PHF3: variants seen among roughly 807,000 people sequenced by gnomAD.
The protein encoded by PHF3 is PHD finger protein 3.
In PHF3, 41 loss-of-function variants were observed where a neutral mutation model predicts 178.4. The ratio of observed to expected loss-of-function variants is 0.23; its 90% CI spans 0.18 to 0.30. The LOEUF is 0.30. Ranked by LOEUF, PHF3 falls within the 10% of genes least tolerant of loss-of-function variation. The pLI is 1.00. For missense variants in PHF3, 2,346 were observed against 2,398.1 expected, an observed-to-expected ratio of 0.98 and a Z score of 0.45; for synonymous variants, 842 against 800.5, an observed-to-expected ratio of 1.05 and a Z score of -0.88.
chr6:63,649,035 T>A (rs72884634), intron 2 of PHF3, among the ~76,000 whole-genome samples: 11,840 of 151,940 alleles, frequency 0.078, 532 homozygotes, highest in East Asian at 0.16. Flanking sequence ...TGAAAAAAAA[T>A]TTAACTTTTT....
chr6:63,649,650 C>T (rs76122536), intron 2 of PHF3, among the ~76,000 whole-genome samples: 2 of 152,248 alleles, frequency 1.3e-5, no homozygotes, highest in South Asian at 2.1e-4. Flanking sequence ...TAGAAGATTA[C>T]GTTTAGTGCT....
chr6:63,648,439 A>G (rs1284144371), intron 2 of PHF3, among the ~76,000 whole-genome samples: 2 of 152,176 alleles, frequency 1.3e-5, no homozygotes, highest in Non-Finnish European at 2.9e-5. Context: ...AAGGGTGGTT[A>G]TATTGGATGT....
intron 15 of PHF3, 61 bp downstream of exon 15, chr6:63,711,423 G>T: frequency 7.0e-7 from 1 of 1,428,416 alleles, no homozygotes; most frequent in Non-Finnish European, 9.6e-7. Context: ...GGACCAGAGT[G>T]AAAAGACTGA....
chr6:63,656,049 A>G (rs764776610), intron 2 of PHF3, among the ~76,000 whole-genome samples: 4 of 152,264 alleles, frequency 2.6e-5, no homozygotes, highest in Non-Finnish European at 5.9e-5. Context: ...ACTCAGAGTT[A>G]AAACATACAC....
intron 1 of PHF3, 24 bp downstream of exon 1, chr6:63,636,174 C>A: frequency 2.6e-6 from 1 of 379,924 alleles, no homozygotes; most frequent in East Asian, 3.7e-5. Flanking sequence ...GTGGCCGCGG[C>A]CAGGGAGACG....
chr6:63,712,879 A>G lies in PHF3; in HGVS notation c.5291A>G (p.His1764Arg). The change falls in exon 16 of 16, where the codon CAT becomes CGT. Residue 1764 changes from histidine to arginine, a missense_variant. Around this residue, in one of 8 missense-constraint regions of PHF3, gnomAD observed 839 missense variants for 806.9 expected, o/e 1.04. Coordinates refer to ENST00000262043, the MANE Select transcript of PHF3 (RefSeq NM_001370348.2). ...AGAGGATCAGCAGTAGCGACATCTC[A>G]TTTTGAAGTTGGAAACACATGTCCA... ...FRRGSAVATS[H>R]FEVGNTCPSE... 1 of 1,613,650 alleles carries G rather than the reference A, an allele frequency of 6.2e-7. No individual in the cohort carries two copies. Among genetic ancestry groups the G allele is most frequent in the Non-Finnish European group, 8.5e-7 (1 of 1,179,622 alleles).
chr6:63,704,672 T>C (rs1471271438), intron 11 of PHF3, among the ~76,000 whole-genome samples: 2 of 152,226 alleles, frequency 1.3e-5, no homozygotes, highest in Non-Finnish European at 2.9e-5. Context: ...TTATTACAAG[T>C]TTTGGCAATT....
At chr6:63,642,518 C>T (rs1466754753) in intron 1 of PHF3, among the ~76,000 whole-genome samples, 1 of 152,170 alleles carries the variant, frequency 6.6e-6, no homozygotes, top group Non-Finnish European at 1.5e-5. Flanking sequence ...AGATTATTCA[C>T]TTATATACTT....
chr6:63,684,563 G>A lies in PHF3; in HGVS notation c.841G>A (p.Val281Ile). The A allele has an allele frequency of 6.2e-7, 1 of 1,614,004 alleles. No homozygotes were observed. Among genetic ancestry groups the A allele is most frequent in the Non-Finnish European group, 8.5e-7 (1 of 1,179,916 alleles). ...EALMECKAKP[V>I]GSPLFKFSDK... ...TTTGATGGAATGTAAAGCCAAGCCT[G>A]TTGGTAGTCCATTGTTTAAGTTTTC... The change falls in exon 4 of 16, where the codon GTT becomes ATT. Residue 281 changes from valine to isoleucine, a missense_variant. Physicochemically the swap from Val to Ile is conservative, Grantham distance 29 (BLOSUM62 3). Transcript: ENST00000262043.
At chr6:63,668,847 T>A (rs1765788467) in intron 2 of PHF3, among the ~76,000 whole-genome samples, 1 of 152,234 alleles carries the variant, frequency 6.6e-6, no homozygotes, top group Non-Finnish European at 1.5e-5. Context: ...TGCTGATTTT[T>A]TTTCATTCTG....
chr6:63,691,922 A>T lies in PHF3; in HGVS notation c.2375A>T (p.Glu792Val). The change falls in exon 5 of 16, where the codon GAA (glutamate) becomes GTA (valine). Residue 792 changes from glutamate (E) to valine (V), a missense_variant. Physicochemically the swap from Glu to Val is moderately radical, Grantham distance 121. Around this residue, in one of 8 missense-constraint regions of PHF3, gnomAD observed 252 missense variants for 232.0 expected, o/e 1.09. Transcript: ENST00000262043. ...PDTLENQATV[E>V]FHSGDKTMEC... Reference sequence around the variant, plus strand: ...ACTTTGGAAAACCAAGCTACAGTTGAATTCCATAGTGGAGATAAAACAATG... The same window carrying T: ...ACTTTGGAAAACCAAGCTACAGTTGTATTCCATAGTGGAGATAAAACAATG... The T allele has an allele frequency of 6.2e-7, 1 of 1,613,816 alleles. No individual in the cohort carries two copies. The highest frequency in any genetic ancestry group is 8.5e-7 in the Non-Finnish European group (1 of 1,179,828).
In PHF3 at chr6:63,712,451, A is replaced by G; in HGVS notation, c.4863A>G (p.Gly1621=). The change falls in exon 16 of 16, where the codon GGA becomes GGG. Residue 1621 remains glycine, a synonymous_variant. Transcript: ENST00000262043. ...GTTCTCCATGCAGATCTAATGTAGGAAAAGGAAACATAGATGGTAATGTGA... is the reference window on the plus strand; with the variant it reads ...GTTCTCCATGCAGATCTAATGTAGGGAAAGGAAACATAGATGGTAATGTGA... ...SNSSPCRSNV[G]KGNIDGNVSC... is the part of the protein sequence containing the mutation. 1 of 1,614,038 alleles carries G rather than the reference A, an allele frequency of 6.2e-7. No individual in the cohort carries two copies.
At position 63,720,894 on chromosome 6, in the gene PHF3, T is replaced by C. The variant is rs557682714; in HGVS notation, c.*7186T>C. 8 of 1,550,904 alleles carry C rather than the reference T, an allele frequency of 5.2e-6. No individual in the cohort carries two copies. Among genetic ancestry groups the C allele is most frequent in the Middle Eastern group, 3.3e-4 (2 of 6,010 alleles). On this transcript the variant is annotated 3_prime_UTR_variant, in exon 16 of 16. Transcript: ENST00000262043. ...AGTCTGATTTTGAATTACAACTACATGGTGCCATTTATTACAACAGAATGT... is the reference window on the plus strand; with the variant it reads ...AGTCTGATTTTGAATTACAACTACACGGTGCCATTTATTACAACAGAATGT...
At position 63,698,349 on chromosome 6, in the gene PHF3, A is replaced by T. The variant is rs745826756; in HGVS notation, c.2807A>T (p.Lys936Ile). Residue 936 changes from lysine (K) to isoleucine (I), a missense_variant, in exon 7 of 16, where the codon AAA becomes ATA. Lys to Ile is a moderately radical substitution (Grantham distance 102). Transcript: ENST00000262043. ...AGGCAAAGTGTCAGACATTCTCTCA[A>T]AGACATTCTTATGAAGAGGTAACAT... Reference protein sequence around the residue: ...QIRQSVRHSLKDILMKRLTDS... With the variant: ...QIRQSVRHSLIDILMKRLTDS... 1.2e-6 allele frequency: 2 copies of T among 1,610,584 alleles called. No homozygotes were observed. Among genetic ancestry groups the T allele is most frequent in the East Asian group, 4.5e-5 (2 of 44,786 alleles).
rs1766077114 is a variant in PHF3, at chr6:63,674,407, ATTAT to A, written c.245-5588_245-5585del. On this transcript the variant is annotated intron_variant, in intron 2 of 15. Coordinates refer to ENST00000262043, the MANE Select transcript of PHF3 (RefSeq NM_001370348.2). Reference sequence around the variant, plus strand: ...AGGAATAGAAGAGGGGAAGAAAAGCATTATTTATATAGCATTGTTAATTTTTTTC... The same window carrying A: ...AGGAATAGAAGAGGGGAAGAAAAGCATTATATAGCATTGTTAATTTTTTTC... 2.7e-5 allele frequency among the ~76,000 whole-genome samples: 4 copies of A among 148,462 alleles called. No homozygotes were observed. In the South Asian group the frequency reaches 8.6e-4, roughly 32 times the overall value.
At chr6:63,641,536 G>A (rs1233409089) in intron 1 of PHF3, among the ~76,000 whole-genome samples, 1 of 133,984 alleles carries the variant, frequency 7.5e-6, no homozygotes, top group African/African-American at 3.3e-5. Context: ...GTATGTGTGT[G>A]TGTGTGTGTG....
intron 2 of PHF3, among the ~76,000 whole-genome samples, chr6:63,678,152 G>C (rs1196359361): frequency 2.6e-5 from 4 of 151,910 alleles, no homozygotes; most frequent in Non-Finnish European, 5.9e-5. Flanking sequence ...GAACCTGGGA[G>C]GTGGAGGTTG....
In PHF3 at chr6:63,713,761, C is replaced by A; in HGVS notation, c.*53C>A. ...TTAAATAACTGTTAAAATGTTGTAT[C>A]TTGTAAACAAAAGAAAGATTGCCTG... On this transcript the variant is annotated 3_prime_UTR_variant, in exon 16 of 16. Transcript: ENST00000262043. 7.2e-7 allele frequency: 1 copy of A among 1,387,696 alleles called. No individual in the cohort carries two copies. The highest frequency in any genetic ancestry group is 1.5e-5 in the South Asian group (1 of 66,910). The allele number at this position is 1,387,696 out of a possible 1,614,324, so 86.0% of individuals were successfully genotyped here.
intron 4 of PHF3, among the ~76,000 whole-genome samples, chr6:63,689,613 T>G (rs1200865135): frequency 6.6e-6 from 1 of 152,180 alleles, no homozygotes; most frequent in Non-Finnish European, 1.5e-5. Flanking sequence ...ACTATTAAGA[T>G]ACATCTGTAG....
Sources: allele counts gnomAD v4.1 joint callset (sites outside exome capture counted in the v4.1 genomes callset), GRCh38; gene constraint gnomAD v4.1.1; regional missense constraint gnomAD v4.1.1; transcripts MANE v1.5; gene names NCBI Gene and HGNC (gene_info 2026-07-23, HGNC 2026-07-21).